Variants in SYDE2 observed in about 807,000 individuals in gnomAD.
SYDE2 encodes rho GTPase-activating protein SYDE2.
In SYDE2, 76 loss-of-function variants were observed where a neutral mutation model predicts 91.5. The ratio of observed to expected loss-of-function variants is 0.83; its 90% CI spans 0.69 to 1.01. SYDE2 has a LOEUF of 1.01. SYDE2 is among the 50% of genes least tolerant of loss of function. SYDE2 has a pLI of 0.00. For missense variants in SYDE2, 1,364 were observed against 1,367.7 expected (o/e 1.00, Z 0.04); for synonymous variants, 513 against 506.4 (o/e 1.01, Z -0.18).
At chr1:85,155,820 A>C (rs1199849685), downstream of SYDE2, among the ~76,000 whole-genome samples, 2 of 152,220 alleles carry the variant, frequency 1.3e-5, no homozygotes, top group Non-Finnish European at 2.9e-5. Flanking sequence ...ATACAGTATA[A>C]AGGGAAAACT....
chr1:85,164,521 T>C lies in SYDE2; in HGVS notation c.3085+5A>G, dbSNP rs771668655. The C allele has an allele frequency of 8.3e-6, 13 of 1,562,342 alleles. No individual in the cohort carries two copies. The highest frequency in any genetic ancestry group is 1.1e-5 in the Non-Finnish European group (13 of 1,153,590). On this transcript the variant is annotated splice_donor_5th_base_variant and intron_variant, in intron 6 of 6. Coordinates refer to ENST00000341460, the MANE Select transcript of SYDE2 (RefSeq NM_032184.2). ...AGTGAAAAACATTTCCATAGAATCA[T>C]TTACCTGGCCAGAGTTGGAGTAAGT...
At chr1:85,164,142 G>A (rs1390929078) in intron 6 of SYDE2, among the ~76,000 whole-genome samples, 1 of 152,106 alleles carries the variant, frequency 6.6e-6, no homozygotes, top group Non-Finnish European at 1.5e-5. Flanking sequence ...GCTACACTGA[G>A]CACATTACAT....
chr1:85,189,790 G>A (rs1658287722), intron 2 of SYDE2, among the ~76,000 whole-genome samples: 1 of 152,168 alleles, frequency 6.6e-6, no homozygotes, highest in Non-Finnish European at 1.5e-5. Flanking sequence ...CGCCATGATT[G>A]TGCCACTGCA....
In SYDE2 at chr1:85,182,262, G is replaced by T. The variant is rs780825563; in HGVS notation, c.2380C>A (p.Leu794Ile). The T allele has an allele frequency of 6.2e-6, 10 of 1,612,570 alleles. No individual in the cohort carries two copies. In the Admixed American group the frequency reaches 1.5e-4, roughly 24 times the overall value. ...AGAGAATTCTCCCACTGTTCCATAA[G>T]AGTCACTTTCACATAAATAAGACCT... is the stretch of plus-strand genomic sequence containing the variant. ...PRGLIYVKVT[L>I]MEQWENSLHG... The change falls in exon 3 of 7, where the codon CTT becomes ATT. Residue 794 changes from leucine (L) to isoleucine (I), a missense_variant. Coordinates refer to ENST00000341460, the MANE Select transcript of SYDE2 (RefSeq NM_032184.2).
At chr1:85,188,445 C>G (rs1674175) in intron 2 of SYDE2, among the ~76,000 whole-genome samples, 20,348 of 152,166 alleles carry the variant, frequency 0.13, 1,855 homozygotes, top group African/African-American at 0.26. Flanking sequence ...TTTGGAACTT[C>G]CTTTTTCTCT....
In SYDE2 at chr1:85,182,208, T is replaced by C; in HGVS notation, c.2434A>G (p.Ile812Val). 1 of 1,609,244 alleles carries C rather than the reference T, an allele frequency of 6.2e-7. No individual in the cohort carries two copies. Among genetic ancestry groups the C allele is most frequent in the Non-Finnish European group, 8.5e-7 (1 of 1,177,800 alleles). Residue 812 changes from isoleucine (I) to valine (V), a missense_variant, in exon 3 of 7, where the codon ATA (isoleucine) becomes GTA (valine). Ile to Val is a conservative substitution (Grantham distance 29, BLOSUM62 3). Coordinates refer to ENST00000341460, the MANE Select transcript of SYDE2 (RefSeq NM_032184.2). ...TTTTGAATATCAACTCCAAATATTA[T>C]TGGTTCTTGGTTTATATCTAGTCCA... Reference protein sequence around the residue: ...LHGLDINQEPIIFGVDIQKVV... With the variant: ...LHGLDINQEPVIFGVDIQKVV...
intron 6 of SYDE2, among the ~76,000 whole-genome samples, chr1:85,164,031 T>C (rs765134804): frequency 3.3e-5 from 5 of 152,166 alleles, no homozygotes; most frequent in African/African-American, 4.8e-5. Flanking sequence ...TAAAGAAGAA[T>C]TGATTTAAGG....
intron 1 of SYDE2, among the ~76,000 whole-genome samples, chr1:85,193,218 A>T (rs756652597): frequency 2.6e-5 from 4 of 152,244 alleles, no homozygotes; most frequent in Admixed American, 2.6e-4. Flanking sequence ...TTCAGTGATC[A>T]CATGATTTTG....
In SYDE2 at chr1:85,178,233, T is replaced by G. The variant is rs1187085130; in HGVS notation, c.2584A>C (p.Lys862Gln). The G allele has an allele frequency of 1.3e-6, 2 of 1,582,160 alleles. No homozygotes were observed. The highest frequency in any genetic ancestry group is 3.6e-5 in the Admixed American group (2 of 55,446). ...LYRLCGSAAVKKELREAFERD... is the reference protein window; with the variant it reads ...LYRLCGSAAVQKELREAFERD... ...TCAAAAGCCTCTCGCAGTTCTTTCTTGACTGCTGCCGAACCACATAATCGA... is the reference window on the plus strand; with the variant it reads ...TCAAAAGCCTCTCGCAGTTCTTTCTGGACTGCTGCCGAACCACATAATCGA... The change falls in exon 4 of 7, where the codon AAG becomes CAG. Residue 862 changes from lysine (K) to glutamine (Q), a missense_variant. Transcript: ENST00000341460.
intron 2 of SYDE2, among the ~76,000 whole-genome samples, chr1:85,188,664 C>T (rs1570268701): frequency 1.3e-5 from 2 of 152,184 alleles, no homozygotes; most frequent in Admixed American, 6.5e-5. Context: ...TGGGAAACAA[C>T]ATAGAATATA....
intron 5 of SYDE2, among the ~76,000 whole-genome samples, chr1:85,167,131 G>A (rs531019317): frequency 1.3e-5 from 2 of 150,788 alleles, no homozygotes; most frequent in Admixed American, 1.3e-4. Context: ...GGAGGATGGC[G>A]TGAGCCGGGG....
chr1:85,196,167 A>C (rs1658577972), intron 1 of SYDE2, among the ~76,000 whole-genome samples: 2 of 152,242 alleles, frequency 1.3e-5, no homozygotes, highest in Non-Finnish European at 2.9e-5. Flanking sequence ...AAGCAAAAAG[A>C]GCCCAAGTGC....
intron 2 of SYDE2, among the ~76,000 whole-genome samples, chr1:85,186,596 G>A (rs1481971284): frequency 5.3e-5 from 8 of 151,876 alleles, no homozygotes; most frequent in Admixed American, 1.3e-4. Context: ...GAGGCATCAC[G>A]CTACCTGACT....
At position 85,159,115 on chromosome 1, in the gene SYDE2, T is replaced by C. The variant is rs762590706; in HGVS notation, c.3220A>G (p.Arg1074Gly). ...CTGTCTAATCGGTTTTGCCTTGGCC[T>C]AAGTACTCCTGATGAATCAGTACCA... ...LSGTDSSGVL[R>G]PRQNRLDSPL... The change falls in exon 7 of 7, where the codon AGG becomes GGG. Residue 1074 changes from arginine (R) to glycine (G), a missense_variant. By Grantham distance (125) the Arg-to-Gly change is moderately radical. Transcript: ENST00000341460. The C allele has an allele frequency of 2.6e-6, 2 of 780,906 alleles. No individual in the cohort carries two copies. Among genetic ancestry groups the C allele is most frequent in the South Asian group, 2.7e-5 (2 of 74,626 alleles). The allele number at this position is 780,906 out of a possible 1,614,324, so 48.4% of individuals were successfully genotyped here. A position where few individuals can be genotyped will look rare whatever the true frequency, so the allele number is the denominator to read the frequency against.
At chr1:85,173,985 A>C (rs2100659158) in intron 4 of SYDE2, among the ~76,000 whole-genome samples, 1 of 152,344 alleles carries the variant, frequency 6.6e-6, no homozygotes, top group Admixed American at 6.5e-5. Context: ...TCAGAAGACA[A>C]GACTAATATA....
At chr1:85,180,245 T>A (rs1474304760) in intron 3 of SYDE2, among the ~76,000 whole-genome samples, 2 of 151,954 alleles carry the variant, frequency 1.3e-5, no homozygotes, top group Non-Finnish European at 2.9e-5. Flanking sequence ...AATACAAGAA[T>A]AATTCCTGAC....
intron 4 of SYDE2, 60 bp downstream of exon 4, chr1:85,178,086 A>C (rs1657772774): frequency 2.3e-6 from 3 of 1,329,914 alleles, no homozygotes; most frequent in Non-Finnish European, 2.1e-6. Flanking sequence ...TATTTCAGTT[A>C]TCTTTCTTGC....
At chr1:85,167,213 C>CAAA (rs74838837) in intron 5 of SYDE2, among the ~76,000 whole-genome samples, 4 of 81,438 alleles carry the variant, frequency 4.9e-5, no homozygotes, top group Non-Finnish European at 7.8e-5. Flanking sequence ...GACCCTGTCT[C>CAAA]AAAAAAAAAA....
intron 6 of SYDE2, chr1:85,159,835 T>C (rs756382277): frequency 4.1e-6 from 4 of 980,536 alleles, no homozygotes; most frequent in Non-Finnish European, 4.8e-6. Context: ...TGAGTTTGAT[T>C]ATACAGCATT....
Sources: gnomAD v4.1 joint callset for allele counts (sites outside exome capture counted in the v4.1 genomes callset) on GRCh38, gnomAD v4.1.1 for gene constraint, MANE v1.5 for transcripts, NCBI Gene and HGNC (gene_info 2026-07-23, HGNC 2026-07-21) for gene names.